Variants in COL6A1 observed in about 807,000 individuals in gnomAD.
COL6A1 encodes the protein collagen type VI alpha 1 chain.
COL6A1 carries 80 observed loss-of-function variants against 145.6 expected under a neutral mutation model. The ratio of observed to expected loss-of-function variants is 0.55; its 90% CI spans 0.46 to 0.66. The LOEUF (loss-of-function observed/expected upper bound fraction) is 0.66. Among genes scored for constraint, COL6A1 ranks in the 30% least tolerant of loss-of-function variants. The pLI is 0.00. For missense variants in COL6A1, 1,364 were observed against 1,473.8 expected (o/e 0.93, Z 1.22); for synonymous variants, 638 against 622.8 (o/e 1.02, Z -0.36).
chr21:45,989,564 C>T (rs747514790), intron 9 of COL6A1, 44 bp from the exon 10 acceptor site: 2 of 1,602,750 alleles, frequency 1.2e-6, no homozygotes, highest in South Asian at 1.1e-5. Context: ...GGCCCCTGCC[C>T]CTGCTCCTCC....
At position 45,998,956 on chromosome 21, in the gene COL6A1, C is replaced by T. The variant is rs770099663; in HGVS notation, c.1671C>T (p.Asp557=). Reference sequence around the variant, plus strand: ...AGGGAGAAGCCGGGGACCCCGGAGACGATGTAAGTGTGGATGGGAGGCAGG... The same window carrying T: ...AGGGAGAAGCCGGGGACCCCGGAGATGATGTAAGTGTGGATGGGAGGCAGG... The part of the protein sequence containing the change: ...GDEGEAGDPG[D]DNNDIAPRGV... The change falls in exon 25 of 35, where the codon GAC becomes GAT. Residue 557 remains aspartate (D), a synonymous_variant. Coordinates refer to ENST00000361866, the MANE Select transcript of COL6A1 (RefSeq NM_001848.3). 42 of 1,553,288 alleles carry T rather than the reference C, an allele frequency of 2.7e-5. No individual in the cohort carries two copies. The highest frequency in any genetic ancestry group is 9.5e-5 in the African/African-American group (7 of 73,490).
Position 45,987,590 on chromosome 21 carries a change from C to T in COL6A1, c.760-20C>T, listed in dbSNP as rs1266225383. ...AACCTGAGTCTGGGGTCCTGGCTGA[C>T]CGTCCCCTCTGCCTTGCAGCCTGCA... On this transcript the variant is annotated intron_variant, in intron 7 of 34. Transcript: ENST00000361866. The T allele has an allele frequency of 1.2e-6, 2 of 1,612,440 alleles. No individual in the cohort carries two copies. Among genetic ancestry groups the T allele is most frequent in the African/African-American group, 2.7e-5 (2 of 74,940 alleles).
intron 21 of COL6A1, 101 bp from the exon 22 acceptor site, chr21:45,997,599 C>T: frequency 4.6e-6 from 7 of 1,536,818 alleles, no homozygotes; most frequent in Non-Finnish European, 6.2e-6. Flanking sequence ...CCTGGGTGTC[C>T]TGGCTCCCGA....
In COL6A1 at chr21:46,002,200, C is replaced by T. The variant is rs201620721; in HGVS notation, c.2067-18C>T. On this transcript the variant is annotated intron_variant, in intron 31 of 34. Transcript: ENST00000361866. ...CAGGCCTGGCCCCAACCGGCCCTTC[C>T]TGCCCTTTGCTATGCAGAGCCATCA... 44 of 1,591,768 alleles carry T rather than the reference C, an allele frequency of 2.8e-5. No homozygotes were observed. The Admixed American group carries it at 6.5e-4, about 24-fold the overall frequency.
Position 45,993,501 on chromosome 21 carries a change from C to T in COL6A1, c.1336-666C>T, listed in dbSNP as rs575255571. ...CCGAGCTGCCAGGCCTCAGAGGCAG[C>T]GCCCCCGGGTGCCCCCTTGTCCGAG... On this transcript the variant is annotated intron_variant, in intron 19 of 34. Transcript: ENST00000361866. Among the ~76,000 whole-genome samples the T allele has an allele frequency of 1.1e-4, 16 of 152,358 alleles. No homozygotes were observed. The South Asian group carries it at 2.9e-3, about 28-fold the overall frequency.
At chr21:45,995,680 C>A (rs1284643053) in intron 20 of COL6A1, among the ~76,000 whole-genome samples, 1 of 152,194 alleles carries the variant, frequency 6.6e-6, no homozygotes, top group Non-Finnish European at 1.5e-5. Context: ...GGCTGTGGGG[C>A]AGGCTGCACA....
rs201227573 is a variant in COL6A1 at position 45,999,199 on chromosome 21, G to A, written c.1721G>A (p.Arg574Gln). ...GGAGTCAAAGGAGCAAAGGGGTACC[G>A]GGGTCCCGAGGGCCCCCAGGTGGGT... ...PRGVKGAKGY[R>Q]GPEGPQGPPG... Residue 574 changes from arginine to glutamine, a missense_variant, in exon 26 of 35, where the codon CGG becomes CAG. By Grantham distance (43) the Arg-to-Gln change is conservative (BLOSUM62 1). This residue lies in a region of COL6A1 where 938 missense variants were observed against 1,003.8 expected (regional missense o/e 0.93). Transcript: ENST00000361866. The A allele has an allele frequency of 1.4e-4, 225 of 1,601,186 alleles. No individual in the cohort carries two copies. The East Asian group carries it at 2.7e-3, about 19-fold the overall frequency.
chr21:45,991,676 T>A (rs898889958), intron 15 of COL6A1, among the ~76,000 whole-genome samples: 2 of 152,118 alleles, frequency 1.3e-5, no homozygotes, highest in African/African-American at 4.8e-5. Flanking sequence ...CCAAATCTCA[T>A]CTTCAAGTTC....
At position 45,990,960 on chromosome 21, in the gene COL6A1, G is replaced by T. The variant is rs765004645; in HGVS notation, c.1057-19G>T. 3 of 1,613,354 alleles carry T rather than the reference G, an allele frequency of 1.9e-6. No individual in the cohort carries two copies. The highest frequency in any genetic ancestry group is 1.7e-4 in the Middle Eastern group (1 of 6,050). On this transcript the variant is annotated intron_variant, in intron 14 of 34. Transcript: ENST00000361866. ...CGGTGGCCTCTGCCGGTGGTGTCAT[G>T]CTGCCCTCTTTTCTCCAGGGCATTC... is the stretch of plus-strand genomic sequence containing the variant.
intron 20 of COL6A1, among the ~76,000 whole-genome samples, chr21:45,996,068 C>A (rs896414618): frequency 1.3e-5 from 2 of 152,218 alleles, no homozygotes; most frequent in African/African-American, 4.8e-5. Context: ...CCAGGAGGTG[C>A]CCCCAGTGAG....
At position 46,004,823 on chromosome 21, in the gene COL6A1, C is replaced by T; in HGVS notation, c.*810C>T. 1 of 321,332 alleles carries T rather than the reference C, an allele frequency of 3.1e-6. No homozygotes were observed. The highest frequency in any genetic ancestry group is 2.3e-5 in the South Asian group (1 of 43,430). The allele number at this position is 321,332 out of a possible 1,614,324, so 19.9% of individuals were successfully genotyped here. A position where few individuals can be genotyped will look rare whatever the true frequency, so the allele number is the denominator to read the frequency against. Reference sequence around the variant, plus strand: ...CGGTGCTAACCCCGTCTGCTCCTCCCTCCCGCAGAGACTGGGGCCTGGACT... The same window carrying T: ...CGGTGCTAACCCCGTCTGCTCCTCCTTCCCGCAGAGACTGGGGCCTGGACT... On this transcript the variant is annotated 3_prime_UTR_variant, in exon 35 of 35. Transcript: ENST00000361866.
At chr21:45,990,150 C>T in intron 11 of COL6A1, 108 bp from the exon 12 acceptor site, 1 of 1,332,696 alleles carries the variant, frequency 7.5e-7, no homozygotes, top group Non-Finnish European at 1.1e-6. Context: ...TGATGTTGTC[C>T]CCTCGGGTTG....
intron 2 of COL6A1, 64 bp from the exon 3 acceptor site, chr21:45,984,205 T>C (rs2077724121): frequency 1.3e-6 from 2 of 1,495,938 alleles, no homozygotes; most frequent in Non-Finnish European, 1.8e-6. Flanking sequence ...CGTCGCGCCC[T>C]GGGACGGGTA....
chr21:45,984,867 CAG>C (rs1298064750), intron 3 of COL6A1, among the ~76,000 whole-genome samples: 5 of 147,778 alleles, frequency 3.4e-5, no homozygotes, highest in African/African-American at 5.0e-5. Flanking sequence ...GAGACAGAAA[CAG>C]AGACAGAGGG....
chr21:45,989,241 C>A, intron 9 of COL6A1, 104 bp downstream of exon 9: 1 of 1,245,266 alleles, frequency 8.0e-7, no homozygotes, highest in South Asian at 1.4e-5. Flanking sequence ...GTGCCAAAGT[C>A]ACACTGCCTG....
intron 32 of COL6A1, 49 bp from the exon 33 acceptor site, chr21:46,002,478 G>A (rs765287838): frequency 1.9e-6 from 3 of 1,613,404 alleles, no homozygotes; most frequent in African/African-American, 2.7e-5. Context: ...TCCCCAGAAA[G>A]ACGAGGGCAG....
intron 8 of COL6A1, among the ~76,000 whole-genome samples, chr21:45,988,514 C>T (rs1045558459): frequency 6.6e-6 from 1 of 151,726 alleles, no homozygotes; most frequent in African/African-American, 2.4e-5. Context: ...AGGCTCCGGC[C>T]GTGCAGGGTG....
chr21:45,982,887 AC>A, intron 2 of COL6A1, 124 bp downstream of exon 2: 1 of 1,407,658 alleles, frequency 7.1e-7, no homozygotes, highest in Non-Finnish European at 9.8e-7. Flanking sequence ...CGTTGCCCTG[AC>A]CGGGGCCCCT....
chr21:45,997,693 T>C lies in COL6A1; in HGVS notation c.1462-7T>C. 6.3e-7 allele frequency: 1 copy of C among 1,584,460 alleles called. No individual in the cohort carries two copies. Among genetic ancestry groups the C allele is most frequent in the South Asian group, 1.1e-5 (1 of 87,104 alleles). Reference sequence around the variant, plus strand: ...CTGCTCCCCTCACGCCTCCTCTTCCTCCTCAGGGTGCCAGAGGAGCCCCAG... The same window carrying C: ...CTGCTCCCCTCACGCCTCCTCTTCCCCCTCAGGGTGCCAGAGGAGCCCCAG... On this transcript the variant is annotated splice_region_variant and splice_polypyrimidine_tract_variant and intron_variant, in intron 21 of 34. Transcript: ENST00000361866.
Sources: gnomAD v4.1 joint callset for allele counts (sites outside exome capture counted in the v4.1 genomes callset) on GRCh38, gnomAD v4.1.1 for gene constraint, gnomAD v4.1.1 regional missense constraint, MANE v1.5 for transcripts, NCBI Gene and HGNC (gene_info 2026-07-23, HGNC 2026-07-21) for gene names.